Variants in DST observed in about 807,000 individuals in gnomAD.
DST encodes the protein dystonin.
In DST, 253 loss-of-function variants were observed where a neutral mutation model predicts 875.2. The ratio of observed to expected loss-of-function variants is 0.29; its 90% CI spans 0.26 to 0.32. DST has a LOEUF of 0.32. DST is among the 10% of genes least tolerant of loss of function. DST has a pLI of 1.00. For missense variants in DST, 8,287 were observed against 9,111.6 expected (o/e 0.91, Z 3.68); for synonymous variants, 3,124 against 3,197.1 (o/e 0.98, Z 0.77).
At chr6:56,875,619 G>C (rs1489083530) in intron 3 of DST, among the ~76,000 whole-genome samples, 2 of 152,118 alleles carry the variant, frequency 1.3e-5, no homozygotes, top group Non-Finnish European at 2.9e-5. Context: ...CCTTTGAAGA[G>C]CTCATGGACC....
intron 4 of DST, among the ~76,000 whole-genome samples, chr6:56,831,452 C>G (rs2099786878): frequency 6.6e-6 from 1 of 152,126 alleles, no homozygotes; most frequent in African/African-American, 2.4e-5. Context: ...CACCATCCAC[C>G]CACACATAAC....
In DST at chr6:56,598,583, G is replaced by A; in HGVS notation, c.11821C>T (p.Leu3941Phe). Residue 3941 changes from leucine to phenylalanine, a missense_variant, in exon 46 of 104, where the codon CTT becomes TTT. Coordinates refer to ENST00000680361, the MANE Select transcript of DST (RefSeq NM_001374736.1). The stretch of plus-strand genomic sequence containing the variant: ...TCACACTTTATCTTAGCTTCATTAA[G>A]TTTCTGTTCAATCAAAGCCTTATCT... Reference protein sequence around the residue: ...QEDKALIEQKLNEAKIKCEQL... With the variant: ...QEDKALIEQKFNEAKIKCEQL... 1 of 1,612,296 alleles carries A rather than the reference G, an allele frequency of 6.2e-7. No homozygotes were observed. Among genetic ancestry groups the A allele is most frequent in the South Asian group, 1.1e-5 (1 of 90,876 alleles).
intron 4 of DST, among the ~76,000 whole-genome samples, chr6:56,746,952 G>T (rs1257026849): frequency 6.6e-6 from 1 of 152,140 alleles, no homozygotes; most frequent in Non-Finnish European, 1.5e-5. Flanking sequence ...AGGCAAAGGG[G>T]AGAAGACAGG....
At chr6:56,931,341 A>G (rs1367558228) in intron 2 of DST, among the ~76,000 whole-genome samples, 3 of 152,210 alleles carry the variant, frequency 2.0e-5, no homozygotes, top group Admixed American at 6.5e-5. Context: ...CAGAAGATGT[A>G]TGGAAATGCC....
At chr6:56,846,741 C>T (rs192732059) in intron 4 of DST, among the ~76,000 whole-genome samples, 1 of 152,244 alleles carries the variant, frequency 6.6e-6, no homozygotes, top group African/African-American at 2.4e-5. Context: ...CAGTGGCTCA[C>T]GCCTGTAATA....
chr6:56,479,422 C>T lies in DST; in HGVS notation c.21532-1934G>A, dbSNP rs189600998. On this transcript the variant is annotated intron_variant, in intron 90 of 103. Transcript: ENST00000680361. ...CATTTGACCCAGCAATTCCACTACT[C>T]GGTATCTACCCAAAGGAAAAGAAAT... Among the ~76,000 whole-genome samples, 15 of 152,204 alleles carry T rather than the reference C, an allele frequency of 9.9e-5. No homozygotes were observed. The East Asian group carries it at 2.1e-3, about 22-fold the overall frequency.
chr6:56,843,593 G>C (rs1458761190), intron 4 of DST: 6 of 984,068 alleles, frequency 6.1e-6, no homozygotes, highest in Non-Finnish European at 7.2e-6. Context: ...CCGCGGCAGC[G>C]GTGCGGGAGG....
chr6:56,878,528 G>A (rs746993110), intron 3 of DST, among the ~76,000 whole-genome samples: 1 of 152,184 alleles, frequency 6.6e-6, no homozygotes, highest in African/African-American at 2.4e-5. Context: ...ATTTGTGGAT[G>A]GAAGGAGGGA....
At chr6:56,460,033 A>C (rs1046282529) in intron 103 of DST, 98 bp downstream of exon 103, 1 of 1,415,256 alleles carries the variant, frequency 7.1e-7, no homozygotes, top group East Asian at 2.4e-5. Flanking sequence ...CCTCAGGGTC[A>C]ATTTGTAATT....
intron 36 of DST, chr6:56,616,079 A>G: frequency 6.2e-7 from 1 of 1,614,230 alleles, no homozygotes. Flanking sequence ...GGAGGCTTTT[A>G]GTACAGAGAT....
chr6:56,672,831 C>T (rs2099108720), intron 9 of DST, among the ~76,000 whole-genome samples: 1 of 152,120 alleles, frequency 6.6e-6, no homozygotes, highest in African/African-American at 2.4e-5. Context: ...AAAACCTTGA[C>T]TTTATTATTT....
chr6:56,557,290 C>T (rs549607224), intron 59 of DST, 29 bp downstream of exon 59: 18 of 1,591,690 alleles, frequency 1.1e-5, no homozygotes, highest in Middle Eastern at 1.7e-4. Flanking sequence ...TTGCTATGCA[C>T]GAGAGACAGG....
At chr6:56,873,060 A>C (rs1778095137) in intron 3 of DST, among the ~76,000 whole-genome samples, 2 of 152,068 alleles carry the variant, frequency 1.3e-5, no homozygotes, top group South Asian at 4.1e-4. Flanking sequence ...ATGATATCCC[A>C]TTGTAGTTTT....
chr6:56,751,391 CA>C (rs1469098288), intron 4 of DST, among the ~76,000 whole-genome samples: 1 of 152,150 alleles, frequency 6.6e-6, no homozygotes, highest in African/African-American at 2.4e-5. Flanking sequence ...GTAAGATAAT[CA>C]GTAATTTTTA....
chr6:56,529,849 T>A (rs1338031478), intron 65 of DST, 75 bp from the exon 66 acceptor site: 22 of 1,453,764 alleles, frequency 1.5e-5, no homozygotes, highest in Non-Finnish European at 1.8e-5. Flanking sequence ...TAAATAAAAC[T>A]AAAGCATGAC....
chr6:56,476,438 T>C, intron 91 of DST, 101 bp from the exon 92 acceptor site: 1 of 1,066,210 alleles, frequency 9.4e-7, no homozygotes, highest in Admixed American at 2.9e-5. Flanking sequence ...AGGATCATCC[T>C]GAGCTAGACC....
At chr6:56,492,876 A>AT (rs1360888537) in intron 84 of DST, 58 bp downstream of exon 84, 50 of 1,396,432 alleles carry the variant, frequency 3.6e-5, no homozygotes, top group Non-Finnish European at 4.0e-5. Context: ...GTCTCAAAAA[A>AT]AAAAAAAAAA....
chr6:56,916,987 TAAAAAAAAAAAAAA>T (rs1161421788), intron 2 of DST, among the ~76,000 whole-genome samples: 4 of 35,544 alleles, frequency 1.1e-4, no homozygotes, highest in South Asian at 1.3e-3. Context: ...CCAGGCATGC[TAAAAAAAAAAAAAA>T]AAAAAAAAAA....
At chr6:56,718,972 T>A (rs1463305740) in intron 5 of DST, among the ~76,000 whole-genome samples, 1 of 152,166 alleles carries the variant, frequency 6.6e-6, no homozygotes, top group Non-Finnish European at 1.5e-5. Flanking sequence ...AATTAGGCTA[T>A]GGTAATAGTT....
Sources: gnomAD v4.1 joint callset for allele counts (sites outside exome capture counted in the v4.1 genomes callset) on GRCh38, gnomAD v4.1.1 for gene constraint, MANE v1.5 for transcripts, NCBI Gene and HGNC (gene_info 2026-07-23, HGNC 2026-07-21) for gene names.